MALRD1: variants seen among roughly 807,000 people sequenced by gnomAD.
The protein encoded by MALRD1 is MAM and LDL-receptor class A domain-containing protein 1.
A neutral mutation model predicts 242.1 loss-of-function variants in MALRD1; 247 were observed. That is an observed-to-expected ratio of 1.02 (90% CI 0.92 to 1.13). The LOEUF (loss-of-function observed/expected upper bound fraction) is 1.13. Ranked by LOEUF, MALRD1 falls within the 50% of genes most tolerant of loss-of-function variation. The pLI is 0.00. For synonymous variants in MALRD1, 995 were observed against 866.6 expected (o/e 1.15, Z -2.60); for missense variants, 2,989 against 2,533.1 (o/e 1.18, Z -3.86).
chr10:19,304,855 GTTTTGTTTTCACTGA>G (rs1168137296), intron 21 of MALRD1, among the ~76,000 whole-genome samples: 2 of 151,738 alleles, frequency 1.3e-5, no homozygotes, highest in East Asian at 3.9e-4. Flanking sequence ...CACAATGCCT[GTTTTGTTTTCACTGA>G]TTATTGTCTA....
chr10:19,728,794 A>G (rs1835158029), intron 38 of MALRD1, among the ~76,000 whole-genome samples: 1 of 152,010 alleles, frequency 6.6e-6, no homozygotes, highest in African/African-American at 2.4e-5. Context: ...TCCCTACCCA[A>G]TCTCAACTCC....
Position 19,314,043 on chromosome 10 carries a change from T to C in MALRD1, c.3420-9906T>C, listed in dbSNP as rs376588762. The stretch of plus-strand genomic sequence containing the variant: ...TTACTTCATAAAGGAGAATTTCATA[T>C]AGAAAAGCAAGAATCCTCTGTCAGT... On this transcript the variant is annotated intron_variant, in intron 21 of 39. Transcript: ENST00000454679. Among the ~76,000 whole-genome samples the C allele has an allele frequency of 8.0e-4, 122 of 151,716 alleles. 1 individual carries two copies. Among genetic ancestry groups the C allele is most frequent in the African/African-American group, 2.8e-3 (116 of 41,494 alleles).
At chr10:19,298,457 G>A (rs1015200051) in intron 21 of MALRD1, among the ~76,000 whole-genome samples, 7 of 151,776 alleles carry the variant, frequency 4.6e-5, no homozygotes, top group Non-Finnish European at 8.8e-5. Context: ...AAGAAGGATA[G>A]GAAAGGAAAC....
intron 31 of MALRD1, among the ~76,000 whole-genome samples, chr10:19,525,237 CT>C (rs113486212): frequency 0.25 from 36,296 of 147,810 alleles, 5,481 homozygotes; most frequent in African/African-American, 0.44. Context: ...AAAGTATCAA[CT>C]TTTTTTTTTT....
At chr10:19,447,670 A>G (rs1300995553) in intron 28 of MALRD1, among the ~76,000 whole-genome samples, 2 of 152,198 alleles carry the variant, frequency 1.3e-5, no homozygotes, top group Non-Finnish European at 2.9e-5. Context: ...AGTAAAGTGA[A>G]TTAAGTTTGT....
intron 28 of MALRD1, among the ~76,000 whole-genome samples, chr10:19,447,934 G>C (rs1009832360): frequency 6.6e-6 from 1 of 152,144 alleles, no homozygotes; most frequent in Non-Finnish European, 1.5e-5. Context: ...GTGGGTGTCA[G>C]ATTTGTTGTT....
chr10:19,385,755 T>C (rs1425019397), intron 26 of MALRD1, among the ~76,000 whole-genome samples: 1 of 152,070 alleles, frequency 6.6e-6, no homozygotes, highest in Non-Finnish European at 1.5e-5. Flanking sequence ...TTTATAATTA[T>C]TTTTGTTCTG....
chr10:19,729,453 G>A (rs538756663), intron 38 of MALRD1, among the ~76,000 whole-genome samples: 7 of 151,940 alleles, frequency 4.6e-5, no homozygotes, highest in Admixed American at 1.3e-4. Context: ...TTTGTTACTC[G>A]TGTCATTAAG....
chr10:19,580,812 G>A (rs900680832), intron 33 of MALRD1, among the ~76,000 whole-genome samples: 2 of 151,952 alleles, frequency 1.3e-5, no homozygotes, highest in South Asian at 2.1e-4. Flanking sequence ...CTTCACTCTT[G>A]TCTCTCTGTC....
In MALRD1 at chr10:19,124,660, T is replaced by A. The variant is rs1837189071; in HGVS notation, c.933T>A (p.Gly311=). Residue 311 remains glycine, a synonymous_variant, in exon 7 of 40, where the codon GGT becomes GGA. Coordinates refer to ENST00000454679, the MANE Select transcript of MALRD1 (RefSeq NM_001142308.3). ...CCACACCTCAGCAGGATCAAGGAGG[T>A]GATGATGAAGGTAGAAAAAAAAATA... ...FESTPQQDQG[G]DDEGYYVWVG... The A allele has an allele frequency of 8.1e-6, 10 of 1,233,112 alleles. No homozygotes were observed. Among genetic ancestry groups the A allele is most frequent in the Non-Finnish European group, 2.0e-6 (2 of 988,028 alleles). 76.4% of individuals were successfully genotyped at this position (1,233,112 alleles called of 1,614,324 possible). A position where few individuals can be genotyped will look rare whatever the true frequency, so the allele number is the denominator to read the frequency against.
At chr10:19,415,225 A>G (rs2130898030) in intron 28 of MALRD1, among the ~76,000 whole-genome samples, 1 of 152,328 alleles carries the variant, frequency 6.6e-6, no homozygotes, top group South Asian at 2.1e-4. Flanking sequence ...AAACTAGAGC[A>G]TACTAATAAA....
At chr10:19,333,426 C>G (rs1013853588) in intron 24 of MALRD1, among the ~76,000 whole-genome samples, 5 of 152,086 alleles carry the variant, frequency 3.3e-5, no homozygotes, top group African/African-American at 1.2e-4. Flanking sequence ...CATTAATTCA[C>G]TTAGAATTAT....
intron 24 of MALRD1, among the ~76,000 whole-genome samples, chr10:19,341,548 ACAC>A (rs1843877659): frequency 7.0e-6 from 1 of 143,168 alleles, no homozygotes; most frequent in African/African-American, 2.6e-5. Context: ...ACATATATAT[ACAC>A]ACACACGTAT....
At chr10:19,612,952 T>C (rs1352263735) in intron 35 of MALRD1, among the ~76,000 whole-genome samples, 2 of 152,058 alleles carry the variant, frequency 1.3e-5, no homozygotes, top group Admixed American at 1.3e-4. Context: ...CCAAACCTTA[T>C]CACTGCTTAA....
chr10:19,652,177 C>T (rs1369210857), intron 36 of MALRD1, among the ~76,000 whole-genome samples: 1 of 152,182 alleles, frequency 6.6e-6, no homozygotes, highest in Non-Finnish European at 1.5e-5. Flanking sequence ...AACACCCTGG[C>T]TGATGTGGAA....
chr10:19,447,446 A>T (rs956681278), intron 28 of MALRD1, among the ~76,000 whole-genome samples: 1 of 150,770 alleles, frequency 6.6e-6, no homozygotes. Flanking sequence ...TAATTTACCC[A>T]TTTTTTTTTC....
intron 11 of MALRD1, among the ~76,000 whole-genome samples, chr10:19,150,362 A>C (rs1416154910): frequency 6.6e-6 from 1 of 152,072 alleles, no homozygotes; most frequent in African/African-American, 2.4e-5. Flanking sequence ...TCTCCAATCC[A>C]TGCACACGAT....
At chr10:19,100,602 T>C (rs1836215406) in intron 4 of MALRD1, among the ~76,000 whole-genome samples, 1 of 150,656 alleles carries the variant, frequency 6.6e-6, no homozygotes, top group African/African-American at 2.5e-5. Context: ...GGTACCACTG[T>C]CAGGAAATGA....
chr10:19,727,753 T>G (rs1296751635), intron 38 of MALRD1, among the ~76,000 whole-genome samples: 1 of 142,348 alleles, frequency 7.0e-6, no homozygotes, highest in Non-Finnish European at 1.5e-5. Context: ...ACAAATACAG[T>G]AAGTCAAACA....
Sources: allele counts gnomAD v4.1 joint callset (sites outside exome capture counted in the v4.1 genomes callset), GRCh38; gene constraint gnomAD v4.1.1; transcripts MANE v1.5; gene names NCBI Gene and HGNC (gene_info 2026-07-23, HGNC 2026-07-21).